Variants in R3HCC1 observed in about 807,000 individuals in gnomAD.
The protein encoded by R3HCC1 is R3H domain and coiled-coil containing 1.
R3HCC1 carries 32 observed loss-of-function variants against 40.0 expected under a neutral mutation model. The ratio of observed to expected loss-of-function variants is 0.80; its 90% CI spans 0.60 to 1.07. R3HCC1 has a LOEUF of 1.07. R3HCC1 is among the 50% of genes least tolerant of loss of function. The pLI, the probability that R3HCC1 is intolerant of heterozygous loss-of-function variation, is 0.00. For missense variants in R3HCC1, 586 were observed against 563.3 expected, an observed-to-expected ratio of 1.04 and a Z score of -0.41; for synonymous variants, 237 against 232.8, an observed-to-expected ratio of 1.02 and a Z score of -0.17.
Position 23,296,059 on chromosome 8 carries a change from A to T in R3HCC1, c.1285A>T (p.Lys429Ter). The change falls in exon 8 of 8, where the codon AAA (lysine) becomes TAA (stop). Residue 429 changes from lysine to a stop codon, truncating the protein, a stop_gained. Transcript: ENST00000265806. LOFTEE classifies it low-confidence loss of function (END_TRUNC). ...GGCCCTGGGACTCCAACACAAAAAG[A>T]AAGAGCGGCCTGCTGTCCGGGGTCC... 6.4e-7 allele frequency: 1 copy of T among 1,550,628 alleles called. No individual in the cohort carries two copies. Among genetic ancestry groups the T allele is most frequent in the South Asian group, 1.2e-5 (1 of 84,048 alleles).
chr8:23,295,387 C>T, intron 7 of R3HCC1: 1 of 442,968 alleles, frequency 2.3e-6, no homozygotes, highest in Non-Finnish European at 4.5e-6. Flanking sequence ...GCATACCTGC[C>T]TGGAGCCCTG....
At chr8:23,292,577 G>A (rs1217071375) in intron 5 of R3HCC1, among the ~76,000 whole-genome samples, 4 of 152,154 alleles carry the variant, frequency 2.6e-5, no homozygotes, top group African/African-American at 9.7e-5. Context: ...TTGTGCCACT[G>A]CACTTCAGCC....
intron 4 of R3HCC1, among the ~76,000 whole-genome samples, chr8:23,290,802 C>T (rs530838309): frequency 4.6e-5 from 7 of 152,286 alleles, no homozygotes; most frequent in South Asian, 4.1e-4. Flanking sequence ...TCTTGTGTTA[C>T]GGATGCCAGT....
At position 23,291,407 on chromosome 8, in the gene R3HCC1, AT is replaced by A; in HGVS notation, c.902del (p.Leu301TrpfsTer20). Reference sequence around the variant, plus strand: ...AAGGAGATTCAGATAGAGAAGATCCATTTGGACACATCCTCCTTCGTGGAGG... The same window carrying A: ...AAGGAGATTCAGATAGAGAAGATCCATTGGACACATCCTCCTTCGTGGAGG... On this transcript the variant is annotated frameshift_variant, in exon 5 of 8. Coordinates refer to ENST00000265806, the MANE Select transcript of R3HCC1 (RefSeq NM_001136108.3). LOFTEE classifies it high-confidence loss of function. The A allele has an allele frequency of 6.4e-7, 1 of 1,551,782 alleles. No individual in the cohort carries two copies. Among genetic ancestry groups the A allele is most frequent in the Non-Finnish European group, 8.7e-7 (1 of 1,146,926 alleles).
chr8:23,295,493 C>A (rs776693150), intron 7 of R3HCC1: 2 of 458,104 alleles, frequency 4.4e-6, no homozygotes, highest in Non-Finnish European at 8.8e-6. Context: ...ACGAGTTTTC[C>A]ATGACTTCAA....
At chr8:23,294,736 G>T (rs1802952126) in intron 6 of R3HCC1, 33 bp from the exon 7 acceptor site, 2 of 1,512,970 alleles carry the variant, frequency 1.3e-6, no homozygotes, top group East Asian at 4.9e-5. Context: ...CTGAGGAGGA[G>T]GGAGTGGCTC....
chr8:23,288,448 T>G, intron 1 of R3HCC1, 58 bp from the exon 2 acceptor site: 1 of 1,520,634 alleles, frequency 6.6e-7, no homozygotes, highest in Non-Finnish European at 8.8e-7. Context: ...CGTTGCGGGG[T>G]CGCGGGAGAT....
rs1802836470 is a variant in R3HCC1, at chr8:23,290,257, G to C, written c.640G>C (p.Glu214Gln). The C allele has an allele frequency of 3.2e-6, 5 of 1,551,780 alleles. No individual in the cohort carries two copies. In the East Asian group the frequency reaches 1.2e-4, roughly 38 times the overall value. The change falls in exon 4 of 8, where the codon GAG becomes CAG. Residue 214 changes from glutamate to glutamine, a missense_variant. By Grantham distance (29) the Glu-to-Gln change is conservative (BLOSUM62 2). Coordinates refer to ENST00000265806, the MANE Select transcript of R3HCC1 (RefSeq NM_001136108.3). ...GCCACTGCTGGACCCTGTTGGCCCT[G>C]AGCCTCTGGGGCCTGAGAGTCAGTC...
In R3HCC1 at chr8:23,293,365, T is replaced by A. The variant is rs13530; in HGVS notation, c.1088T>A (p.Leu363Gln). Residue 363 changes from leucine (L) to glutamine (Q), a missense_variant, in exon 6 of 8, where the codon CTG becomes CAG. Transcript: ENST00000265806. ...CACGCACTCGGCATCTTTCCCTGCC[T>A]GGCCTCAGGTAAGGCACCCCCAGTG... 8.4e-6 allele frequency: 13 copies of A among 1,550,700 alleles called. No individual in the cohort carries two copies. Among genetic ancestry groups the A allele is most frequent in the South Asian group, 1.2e-5 (1 of 84,012 alleles).
At position 23,288,229 on chromosome 8, in the gene R3HCC1, T is replaced by C. The variant is rs1802782216; in HGVS notation, c.-19+72T>C. On this transcript the variant is annotated intron_variant, in intron 1 of 7. Coordinates refer to ENST00000265806, the MANE Select transcript of R3HCC1 (RefSeq NM_001136108.3). ...CCCGGGTGGGAAGGAGCAGCTGGGC[T>C]GCGCGGAGCAGGCCCCCGTGAGCCC... 5.0e-6 allele frequency: 6 copies of C among 1,200,616 alleles called. No individual in the cohort carries two copies. The South Asian group carries it at 9.4e-5, about 19-fold the overall frequency. 74.4% of individuals were successfully genotyped at this position (1,200,616 alleles called of 1,614,324 possible).
rs1802834370 is a variant in R3HCC1, at chr8:23,290,217, A to G, written c.600A>G (p.Gln200=). The G allele has an allele frequency of 6.4e-7, 1 of 1,551,638 alleles. No homozygotes were observed. The highest frequency in any genetic ancestry group is 8.7e-7 in the Non-Finnish European group (1 of 1,146,996). The stretch of plus-strand genomic sequence containing the variant: ...CAGAGGACCTAAAGGGCCCAGGACA[A>G]AGGTGTGAGAATGAGCCACTGCTGG... Residue 200 remains glutamine, a synonymous_variant, in exon 4 of 8, where the codon CAA becomes CAG. Coordinates refer to ENST00000265806, the MANE Select transcript of R3HCC1 (RefSeq NM_001136108.3).
intron 5 of R3HCC1, among the ~76,000 whole-genome samples, chr8:23,292,389 G>A (rs1802886802): frequency 6.6e-6 from 1 of 152,190 alleles, no homozygotes; most frequent in African/African-American, 2.4e-5. Flanking sequence ...CGGATCATGA[G>A]GTCAGGAGAT....
intron 4 of R3HCC1, 133 bp downstream of exon 4, chr8:23,290,602 CAG>C: frequency 2.7e-6 from 3 of 1,105,362 alleles, no homozygotes; most frequent in African/African-American, 1.6e-5. Flanking sequence ...TGTTGGGTGA[CAG>C]GGATTCCTTA....
chr8:23,294,937 G>C (rs78376378), intron 7 of R3HCC1, 73 bp downstream of exon 7: 32 of 1,031,226 alleles, frequency 3.1e-5, no homozygotes, highest in Non-Finnish European at 4.2e-5. Flanking sequence ...GTGTGTGTGC[G>C]TGTGTGTGTG....
chr8:23,290,579 A>C, intron 4 of R3HCC1, 110 bp downstream of exon 4: 2 of 1,296,768 alleles, frequency 1.5e-6, no homozygotes, highest in Admixed American at 5.5e-5. Flanking sequence ...GTGCAAGGGG[A>C]GGTAGGGCTG....
In R3HCC1 at chr8:23,296,130, C is replaced by T. The variant is rs1410524529; in HGVS notation, c.*33C>T. The T allele has an allele frequency of 6.5e-7, 1 of 1,534,796 alleles. No individual in the cohort carries two copies. The highest frequency in any genetic ancestry group is 8.8e-7 in the Non-Finnish European group (1 of 1,138,806). On this transcript the variant is annotated 3_prime_UTR_variant, in exon 8 of 8. Coordinates refer to ENST00000265806, the MANE Select transcript of R3HCC1 (RefSeq NM_001136108.3). The stretch of plus-strand genomic sequence containing the variant: ...AGACCCAACTGGCCTGGATCTGCGT[C>T]CCGACGTAGCTGGCGCCCCCAACAC...
At position 23,289,759 on chromosome 8, in the gene R3HCC1, G is replaced by T. The variant is rs1038536441; in HGVS notation, c.249-107G>T. 5.0e-6 allele frequency: 7 copies of T among 1,403,342 alleles called. No homozygotes were observed. In the African/African-American group the frequency reaches 1.0e-4, roughly 20 times the overall value. 86.9% of individuals were successfully genotyped at this position (1,403,342 alleles called of 1,614,324 possible). A position where few individuals can be genotyped will look rare whatever the true frequency, so the allele number is the denominator to read the frequency against. On this transcript the variant is annotated intron_variant, in intron 3 of 7. Coordinates refer to ENST00000265806, the MANE Select transcript of R3HCC1 (RefSeq NM_001136108.3). ...GAGGGTCATTTTGGCTGTGGTTTTTGCCTAATGCTGACCCGAATGTCTCTC... is the reference window on the plus strand; with the variant it reads ...GAGGGTCATTTTGGCTGTGGTTTTTTCCTAATGCTGACCCGAATGTCTCTC...
At chr8:23,288,674 A>T in intron 2 of R3HCC1, 41 bp downstream of exon 2, 1 of 1,529,626 alleles carries the variant, frequency 6.5e-7, no homozygotes. Flanking sequence ...CTTGCTGGGA[A>T]GGGCAGGGTT....
At chr8:23,291,727 T>C (rs1278683463) in intron 5 of R3HCC1, among the ~76,000 whole-genome samples, 194 bp downstream of exon 5, 1 of 152,196 alleles carries the variant, frequency 6.6e-6, no homozygotes, top group Admixed American at 6.5e-5. Flanking sequence ...GAGCACTGAT[T>C]TGTTGGTTGT....
Sources: allele counts gnomAD v4.1 joint callset (sites outside exome capture counted in the v4.1 genomes callset), GRCh38; gene constraint gnomAD v4.1.1; transcripts MANE v1.5; gene names NCBI Gene and HGNC (gene_info 2026-07-23, HGNC 2026-07-21).